HENMT1: variants seen among roughly 807,000 people sequenced by gnomAD.
HENMT1 encodes HEN methyltransferase 1.
HENMT1 carries 27 observed loss-of-function variants against 31.1 expected under a neutral mutation model. That is an observed-to-expected ratio of 0.87 (90% CI 0.64 to 1.20). The LOEUF is 1.20. Ranked by LOEUF, HENMT1 falls within the 50% of genes most tolerant of loss-of-function variation. HENMT1 has a pLI of 0.00. For missense variants in HENMT1, 438 were observed against 469.6 expected, an observed-to-expected ratio of 0.93 and a Z score of 0.62; for synonymous variants, 167 against 172.2, an observed-to-expected ratio of 0.97 and a Z score of 0.24.
chr1:108,655,233 G>A (rs1452301350), intron 4 of HENMT1, among the ~76,000 whole-genome samples: 2 of 152,098 alleles, frequency 1.3e-5, no homozygotes, highest in African/African-American at 4.8e-5. Flanking sequence ...AAATGCTATG[G>A]TTCAAAATGC....
chr1:108,650,896 A>G, intron 6 of HENMT1, 134 bp downstream of exon 6: 1 of 665,380 alleles, frequency 1.5e-6, no homozygotes, highest in South Asian at 2.0e-5. Flanking sequence ...TTACATACTA[A>G]GTCACACATT....
At chr1:108,656,809 T>A (rs1041881627) in intron 3 of HENMT1, among the ~76,000 whole-genome samples, 10 of 152,208 alleles carry the variant, frequency 6.6e-5, no homozygotes, top group Non-Finnish European at 1.2e-4. Flanking sequence ...GTGGCTACAA[T>A]ACCAGTTTGC....
intron 1 of HENMT1, 103 bp from the exon 2 acceptor site, chr1:108,660,065 G>T: frequency 1.0e-3 from 279 of 278,680 alleles, no homozygotes; most frequent in Middle Eastern, 3.9e-3. Context: ...CCTTACTACA[G>T]TATATAATTT....
chr1:108,658,355 G>A (rs1009878543), intron 2 of HENMT1, among the ~76,000 whole-genome samples: 1 of 152,132 alleles, frequency 6.6e-6, no homozygotes, highest in Admixed American at 6.5e-5. Context: ...GGCTCTTCTT[G>A]AACTCCTGAC....
chr1:108,651,437 G>C (rs1372349628), intron 5 of HENMT1: 2 of 462,388 alleles, frequency 4.3e-6, no homozygotes, highest in East Asian at 3.7e-5. Flanking sequence ...CCAAGGTCAA[G>C]AGTTAAAGAC....
intron 2 of HENMT1, among the ~76,000 whole-genome samples, chr1:108,659,061 ATTC>A (rs1348565255): frequency 5.3e-5 from 8 of 152,330 alleles, no homozygotes; most frequent in South Asian, 2.1e-4. Context: ...GAGATTTTAG[ATTC>A]TTGTTTTTCA....
chr1:108,649,316 C>T (rs1202616765), intron 7 of HENMT1: 13 of 478,102 alleles, frequency 2.7e-5, no homozygotes, highest in East Asian at 6.3e-5. Context: ...AAAGGGAAAA[C>T]GTGGGTAAGT....
At position 108,658,141 on chromosome 1, in the gene HENMT1, T is replaced by G. The variant is rs180742528; in HGVS notation, c.22-562A>C. Among the ~76,000 whole-genome samples the G allele has an allele frequency of 6.4e-3, 958 of 150,832 alleles. 7 individuals are homozygous for G. Among genetic ancestry groups the G allele is most frequent in the Non-Finnish European group, 9.6e-3 (652 of 67,846 alleles). On this transcript the variant is annotated intron_variant, in intron 2 of 7. Coordinates refer to ENST00000651461, the MANE Select transcript of HENMT1 (RefSeq NM_001102592.2). ...CACATATATATATATATATTTTTTT[T>G]TTCCCCCCAAGACGGAGTCTTGCTC...
intron 1 of HENMT1, among the ~76,000 whole-genome samples, 159 bp from the exon 2 acceptor site, chr1:108,660,121 C>CA (rs34387673): frequency 0.78 from 97,538 of 125,768 alleles, 38,453 homozygotes; most frequent in Non-Finnish European, 0.87. Flanking sequence ...TCTGAGTACT[C>CA]AAAAAAAAAA....
Position 108,651,187 on chromosome 1 carries a change from C to A in HENMT1, c.421G>T (p.Asp141Tyr), listed in dbSNP as rs1343918287. 6.2e-7 allele frequency: 1 copy of A among 1,613,512 alleles called. No individual in the cohort carries two copies. The highest frequency in any genetic ancestry group is 1.3e-5 in the African/African-American group (1 of 74,902). ...IELIEHLDSG[D>Y]LARFPEVVFG... ...ACCACTTCAGGAAATCTGGCCAGAT[C>A]ACCTGAATCCAAATGTTCTATTCTA... The change falls in exon 6 of 8, where the codon GAT becomes TAT. Residue 141 changes from aspartate (D) to tyrosine (Y), a missense_variant. Transcript: ENST00000651461.
rs562789356 is a variant in HENMT1 at position 108,657,238 on chromosome 1, C to G, written c.150+213G>C. ...CTTTCAAACCACCCTCTCATCCCAC[C>G]TCCCTAGTTTCTAGCTTTGTTCACT... On this transcript the variant is annotated intron_variant, in intron 3 of 7. Coordinates refer to ENST00000651461, the MANE Select transcript of HENMT1 (RefSeq NM_001102592.2). Among the ~76,000 whole-genome samples, 3 of 152,272 alleles carry G rather than the reference C, an allele frequency of 2.0e-5. No individual in the cohort carries two copies. In the South Asian group the frequency reaches 6.2e-4, roughly 32 times the overall value.
In HENMT1 at chr1:108,648,606, G is replaced by C. The variant is rs751461788; in HGVS notation, c.1142C>G (p.Ala381Gly). The C allele has an allele frequency of 3.7e-6, 6 of 1,614,138 alleles. No individual in the cohort carries two copies. The East Asian group carries it at 1.1e-4, about 30-fold the overall frequency. The change falls in exon 8 of 8, where the codon GCT becomes GGT. Residue 381 changes from alanine to glycine, a missense_variant. By Grantham distance (60) the Ala-to-Gly change is moderately conservative. Coordinates refer to ENST00000651461, the MANE Select transcript of HENMT1 (RefSeq NM_001102592.2). ...PLSSDGSAVVADLRNYFDEQF... is the reference protein window; with the variant it reads ...PLSSDGSAVVGDLRNYFDEQF... The stretch of plus-strand genomic sequence containing the variant: ...TTCATCAAAATAATTACGCAGGTCA[G>C]CCACCACTGCAGAACCATCACTGCT...
rs1266196937 is a variant in HENMT1, at chr1:108,648,703, A to C, written c.1045T>G (p.Tyr349Asp). ...FFVPLQRLLA[Y>D]PKLNRLCANE... ...GCACATAAGCGGTTCAACTTGGGATACGCAAGGAGTCTCTGCAGAGGTACG... is the reference window on the plus strand; with the variant it reads ...GCACATAAGCGGTTCAACTTGGGATCCGCAAGGAGTCTCTGCAGAGGTACG... Residue 349 changes from tyrosine (Y) to aspartate (D), a missense_variant, in exon 8 of 8, where the codon TAT becomes GAT. Transcript: ENST00000651461. The C allele has an allele frequency of 6.2e-7, 1 of 1,614,244 alleles. No individual in the cohort carries two copies.
Position 108,650,210 on chromosome 1 carries a change from C to T in HENMT1, c.756+1G>A. On this transcript the variant is annotated splice_donor_variant, in intron 7 of 7. Transcript: ENST00000651461. LOFTEE classifies it high-confidence loss of function. ...ATAGCTATCTCACAAAGAATACTCA[C>T]AGCTTTATAAACATGCTGATCATGC... The T allele has an allele frequency of 1.9e-6, 3 of 1,613,434 alleles. No homozygotes were observed. The highest frequency in any genetic ancestry group is 2.5e-6 in the Non-Finnish European group (3 of 1,179,598).
chr1:108,660,459 A>G (rs1421287001), intron 1 of HENMT1, among the ~76,000 whole-genome samples: 3 of 152,218 alleles, frequency 2.0e-5, no homozygotes, highest in Admixed American at 2.0e-4. Context: ...CACATCGTCA[A>G]AATGAAATTT....
At chr1:108,649,046 A>G in intron 7 of HENMT1, 55 bp from the exon 8 acceptor site, 1 of 1,408,028 alleles carries the variant, frequency 7.1e-7, no homozygotes. Context: ...ACATACATAA[A>G]TTTTCAAAGC....
chr1:108,653,456 C>A (rs1570634145), intron 5 of HENMT1, among the ~76,000 whole-genome samples: 1 of 152,212 alleles, frequency 6.6e-6, no homozygotes, highest in East Asian at 1.9e-4. Flanking sequence ...GGATAAATAC[C>A]CAGTAGTGGG....
At position 108,648,451 on chromosome 1, in the gene HENMT1, C is replaced by T. The variant is rs1203456320; in HGVS notation, c.*115G>A. The stretch of plus-strand genomic sequence containing the variant: ...TCTGTCCAATGGCTTGGAACATAGA[C>T]TTTTGCAGTGAAACTTTAAAAACAT... On this transcript the variant is annotated 3_prime_UTR_variant, in exon 8 of 8. Coordinates refer to ENST00000651461, the MANE Select transcript of HENMT1 (RefSeq NM_001102592.2). The T allele has an allele frequency of 2.2e-6, 2 of 892,506 alleles. No individual in the cohort carries two copies. Among genetic ancestry groups the T allele is most frequent in the Non-Finnish European group, 3.4e-6 (2 of 595,534 alleles). 55.3% of individuals were successfully genotyped at this position (892,506 alleles called of 1,614,324 possible).
At chr1:108,660,915 C>A in intron 1 of HENMT1, 48 bp downstream of exon 1, 1 of 893,826 alleles carries the variant, frequency 1.1e-6, no homozygotes, top group Non-Finnish European at 1.3e-6. Context: ...CAGAGCGAGA[C>A]TCCGTCTCAA....
Sources: allele counts gnomAD v4.1 joint callset (sites outside exome capture counted in the v4.1 genomes callset), GRCh38; gene constraint gnomAD v4.1.1; transcripts MANE v1.5; gene names NCBI Gene and HGNC (gene_info 2026-07-23, HGNC 2026-07-21).